COL4A6: variants seen among roughly 807,000 people sequenced by gnomAD.
The protein encoded by COL4A6 is collagen alpha-6(IV) chain.
In COL4A6, 59 loss-of-function variants were observed where a neutral mutation model predicts 126.7. The observed-to-expected ratio is 0.47, with a 90% CI of 0.38 to 0.58. The LOEUF is 0.58. Ranked by LOEUF, COL4A6 falls within the 20% of genes least tolerant of loss-of-function variation. COL4A6 has a pLI of 0.00. For synonymous variants in COL4A6, 547 were observed against 496.6 expected (o/e 1.10, Z -1.35); for missense variants, 1,285 against 1,337.3 (o/e 0.96, Z 0.61).
intron 2 of COL4A6, among the ~76,000 whole-genome samples, chrX:108,328,696 T>A (rs1227035232): frequency 1.8e-5 from 2 of 112,118 alleles, no homozygotes; most frequent in East Asian, 5.6e-4. Context: ...TACTTCATGA[T>A]CTGGCAATTC....
At chrX:108,176,497 C>A (rs970719605) in intron 28 of COL4A6, among the ~76,000 whole-genome samples, 3 of 111,000 alleles carry the variant, frequency 2.7e-5, no homozygotes, top group Non-Finnish European at 5.7e-5. Context: ...GGAGATACCA[C>A]CTGCCCAACT....
intron 2 of COL4A6, among the ~76,000 whole-genome samples, chrX:108,355,009 A>G (rs191370590): frequency 2.7e-5 from 3 of 111,881 alleles, no homozygotes; most frequent in Non-Finnish European, 5.6e-5. Context: ...GAAAAAGAGA[A>G]GGTTCATTCA....
chrX:108,349,810 T>C (rs144797921), intron 2 of COL4A6, among the ~76,000 whole-genome samples: 3,447 of 111,822 alleles, frequency 0.031, 125 homozygotes, highest in African/African-American at 0.11. Context: ...CCCTGCAACA[T>C]AAATACAGAT....
At chrX:108,170,123 G>A in intron 35 of COL4A6, 107 bp from the exon 36 acceptor site, 1 of 673,816 alleles carries the variant, frequency 1.5e-6, no homozygotes, top group Non-Finnish European at 2.3e-6. Flanking sequence ...TTATTTTAAA[G>A]TCCTGGTCTT....
chrX:108,226,356 C>CT (rs1466708505), intron 3 of COL4A6, among the ~76,000 whole-genome samples: 1 of 111,868 alleles, frequency 8.9e-6, no homozygotes, highest in African/African-American at 3.3e-5. Context: ...GAGCGACCCT[C>CT]TTTGGGGGCA....
intron 37 of COL4A6, among the ~76,000 whole-genome samples, chrX:108,167,178 G>T (rs1403262684): frequency 8.9e-6 from 1 of 112,182 alleles, no homozygotes; most frequent in Non-Finnish European, 1.9e-5. Flanking sequence ...ATGCAAAACA[G>T]CCCATTTTTC....
chrX:108,335,437 T>G (rs1194884764), intron 2 of COL4A6, among the ~76,000 whole-genome samples: 1 of 112,038 alleles, frequency 8.9e-6, no homozygotes, highest in Non-Finnish European at 1.9e-5. Context: ...CCATGTCTAT[T>G]TTGATTCAAA....
intron 2 of COL4A6, among the ~76,000 whole-genome samples, chrX:108,429,812 A>G (rs2064148279): frequency 8.9e-6 from 1 of 112,199 alleles, no homozygotes; most frequent in Non-Finnish European, 1.9e-5. Flanking sequence ...TTTCTCTTAA[A>G]CATTATACTA....
Position 108,178,559 on chromosome X carries a change from AG to A in COL4A6, c.2515+124del. The A allele has an allele frequency of 5.9e-6, 4 of 673,827 alleles. No individual in the cohort carries two copies. In the South Asian group the frequency reaches 1.2e-4, roughly 20 times the overall value. The allele number at this position is 673,827 out of a possible 1,213,427, so 55.5% of individuals were successfully genotyped here. On this transcript the variant is annotated intron_variant, in intron 27 of 44. Transcript: ENST00000334504. Reference sequence around the variant, plus strand: ...CTTGAGATTTGAAACTTGAGAGCTTAGGAAAGTCAAGTCTCATTCTAAATTC... The same window carrying A: ...CTTGAGATTTGAAACTTGAGAGCTTAGAAAGTCAAGTCTCATTCTAAATTC...
In COL4A6 at chrX:108,160,388, G is replaced by T. The variant is rs1014929615; in HGVS notation, c.4525+75C>A. On this transcript the variant is annotated intron_variant, in intron 43 of 44. Transcript: ENST00000334504. ...CACAACAGTGGACCTAGAAAGGGCT[G>T]GGAGAAGAGAGGGGTTGGCTGTTGG... The T allele has an allele frequency of 5.0e-6, 5 of 1,004,755 alleles. No homozygotes were observed. The African/African-American group carries it at 7.6e-5, about 15-fold the overall frequency. The allele number at this position is 1,004,755 out of a possible 1,213,427, so 82.8% of individuals were successfully genotyped here. A position where few individuals can be genotyped will look rare whatever the true frequency, so the allele number is the denominator to read the frequency against.
intron 2 of COL4A6, among the ~76,000 whole-genome samples, chrX:108,406,571 G>A (rs2148224683): frequency 8.9e-6 from 1 of 112,041 alleles, no homozygotes; most frequent in South Asian, 3.7e-4. Context: ...GAACTACTTG[G>A]AGTTTTCCAC....
At chrX:108,416,279 A>G (rs986602088) in intron 2 of COL4A6, among the ~76,000 whole-genome samples, 18 of 111,890 alleles carry the variant, frequency 1.6e-4, no homozygotes, top group African/African-American at 5.8e-4. Context: ...TATTATTTAT[A>G]GCATAAAGTC....
intron 3 of COL4A6, among the ~76,000 whole-genome samples, chrX:108,298,784 G>GAGGC (rs1487931800): frequency 1.8e-5 from 2 of 109,573 alleles, no homozygotes; most frequent in Admixed American, 1.9e-4. Context: ...GCCTCCAAGG[G>GAGGC]ACCTTGGAGG....
intron 3 of COL4A6, among the ~76,000 whole-genome samples, chrX:108,225,550 C>T (rs192375534): frequency 1.2e-4 from 13 of 112,568 alleles, no homozygotes; most frequent in African/African-American, 3.9e-4. Context: ...GGCCAGGAAC[C>T]GCAGGTCTGC....
intron 2 of COL4A6, among the ~76,000 whole-genome samples, chrX:108,333,618 G>A (rs1390809877): frequency 1.8e-5 from 2 of 111,535 alleles, no homozygotes; most frequent in Non-Finnish European, 3.8e-5. Flanking sequence ...AAAAGAGAAA[G>A]TCAAATTATC....
chrX:108,207,895 G>A (rs2035596030), intron 8 of COL4A6, among the ~76,000 whole-genome samples: 1 of 110,841 alleles, frequency 9.0e-6, no homozygotes, highest in Non-Finnish European at 1.9e-5. Flanking sequence ...TGGATACCAA[G>A]GGATGATGTA....
At chrX:108,400,837 A>AT (rs2041072390) in intron 2 of COL4A6, among the ~76,000 whole-genome samples, 1 of 111,584 alleles carries the variant, frequency 9.0e-6, no homozygotes, top group Non-Finnish European at 1.9e-5. Context: ...TTTGCCTACT[A>AT]TTTTTTCCAT....
At chrX:108,283,656 C>G (rs1362921069) in intron 3 of COL4A6, among the ~76,000 whole-genome samples, 2 of 110,555 alleles carry the variant, frequency 1.8e-5, no homozygotes, top group African/African-American at 6.6e-5. Flanking sequence ...CTATTCTCTT[C>G]AGTACCTAAA....
chrX:108,322,740 G>C (rs1216172136), intron 2 of COL4A6, among the ~76,000 whole-genome samples: 1 of 111,993 alleles, frequency 8.9e-6, no homozygotes, highest in Admixed American at 9.5e-5. Context: ...GCTAGTCATA[G>C]GGAGCATGTG....
Sources: gnomAD v4.1 joint callset for allele counts (sites outside exome capture counted in the v4.1 genomes callset) on GRCh38, gnomAD v4.1.1 for gene constraint, MANE v1.5 for transcripts, NCBI Gene and HGNC (gene_info 2026-07-23, HGNC 2026-07-21) for gene names.